The following DIAPH2 variants were observed in gnomAD, a reference collection of about 807,000 sequenced individuals.
The protein encoded by DIAPH2 is diaphanous related formin 2, also known as protein diaphanous homolog 2.
A neutral mutation model predicts 92.7 loss-of-function variants in DIAPH2; 35 were observed. That is an observed-to-expected ratio of 0.38 (90% CI 0.29 to 0.50). The LOEUF (loss-of-function observed/expected upper bound fraction) is 0.50. Ranked by LOEUF, DIAPH2 falls within the 20% of genes least tolerant of loss-of-function variation. DIAPH2 has a pLI of 0.94. For synonymous variants in DIAPH2, 301 were observed against 280.4 expected (o/e 1.07, Z -0.73); for missense variants, 701 against 819.5 (o/e 0.86, Z 1.77).
intron 1 of DIAPH2, among the ~76,000 whole-genome samples, chrX:96,705,938 C>T (rs1395783031): frequency 8.9e-6 from 1 of 112,440 alleles, no homozygotes; most frequent in African/African-American, 3.2e-5. Flanking sequence ...AACCACTAAA[C>T]TTGTGCACAG....
At chrX:97,232,275 C>G (rs2068015052) in intron 22 of DIAPH2, among the ~76,000 whole-genome samples, 1 of 111,792 alleles carries the variant, frequency 8.9e-6, no homozygotes, top group African/African-American at 3.3e-5. Flanking sequence ...CGCTCTGTCA[C>G]CCAGGCTGGA....
At chrX:97,252,398 G>C (rs1408566917) in intron 23 of DIAPH2, among the ~76,000 whole-genome samples, 1 of 111,890 alleles carries the variant, frequency 8.9e-6, no homozygotes, top group African/African-American at 3.3e-5. Flanking sequence ...TTTCCTCATA[G>C]TATGAGGGAA....
intron 22 of DIAPH2, among the ~76,000 whole-genome samples, chrX:97,166,564 T>G (rs900505422): frequency 1.5e-4 from 17 of 112,018 alleles, no homozygotes; most frequent in Non-Finnish European, 1.1e-4. Flanking sequence ...CCAGAAAGAC[T>G]ATAAAAAAAC....
At chrX:97,299,019 G>T (rs2068671767) in intron 23 of DIAPH2, among the ~76,000 whole-genome samples, 1 of 111,475 alleles carries the variant, frequency 9.0e-6, no homozygotes. Context: ...CCACGTTTTT[G>T]AGGCAGAATA....
intron 22 of DIAPH2, among the ~76,000 whole-genome samples, chrX:97,239,314 A>G (rs1602440858): frequency 8.9e-6 from 1 of 111,752 alleles, no homozygotes; most frequent in East Asian, 2.8e-4. Context: ...AATGTTTTGA[A>G]TGAGGATCAG....
At chrX:97,499,905 C>A (rs926936511) in intron 26 of DIAPH2, among the ~76,000 whole-genome samples, 2 of 112,434 alleles carry the variant, frequency 1.8e-5, no homozygotes, top group African/African-American at 6.5e-5. Context: ...TGCTCTCTTA[C>A]CAACTGGCTG....
At chrX:97,234,389 C>T (rs1237154084) in intron 22 of DIAPH2, among the ~76,000 whole-genome samples, 3 of 107,673 alleles carry the variant, frequency 2.8e-5, no homozygotes, top group Non-Finnish European at 5.8e-5. Context: ...TATACCTAGG[C>T]AATCCACTTT....
chrX:97,485,217 C>T (rs917097474), intron 26 of DIAPH2, among the ~76,000 whole-genome samples: 2 of 111,602 alleles, frequency 1.8e-5, no homozygotes, highest in African/African-American at 3.3e-5. Flanking sequence ...AATAATACCA[C>T]GTCTAAACTG....
chrX:97,302,729 C>T (rs2068717332), intron 23 of DIAPH2, among the ~76,000 whole-genome samples: 1 of 109,775 alleles, frequency 9.1e-6, no homozygotes, highest in Non-Finnish European at 1.9e-5. Context: ...GTCCCAAAGT[C>T]ATCCCAGCAC....
rs143787565 is a variant in DIAPH2, at chrX:96,709,193, G to A, written c.132+24003G>A. Among the ~76,000 whole-genome samples the A allele has an allele frequency of 4.5e-3, 502 of 112,016 alleles. 3 individuals are homozygous for A. The highest frequency in any genetic ancestry group is 0.016 in the African/African-American group (486 of 30,860). ...TTCCTAATAATTTGTAAAGTACTTC[G>A]TTTCTGTTTGTTAATTTGCTTACCA... On this transcript the variant is annotated intron_variant, in intron 1 of 26. Coordinates refer to ENST00000324765, the MANE Select transcript of DIAPH2 (RefSeq NM_006729.5).
chrX:96,737,925 CAT>C (rs1447883451), intron 2 of DIAPH2, among the ~76,000 whole-genome samples: 1 of 111,449 alleles, frequency 9.0e-6, no homozygotes, highest in East Asian at 2.8e-4. Context: ...GTGCAATAAA[CAT>C]ATTAACTTAT....
chrX:96,785,511 C>T (rs938587814), intron 4 of DIAPH2, among the ~76,000 whole-genome samples: 1 of 53,914 alleles, frequency 1.9e-5, no homozygotes, highest in South Asian at 1.6e-3. Flanking sequence ...GACAGAGTTT[C>T]GCTCTTGTTG....
At chrX:96,961,131 G>A (rs1022993304) in intron 16 of DIAPH2, among the ~76,000 whole-genome samples, 1 of 111,266 alleles carries the variant, frequency 9.0e-6, no homozygotes, top group Non-Finnish European at 1.9e-5. Flanking sequence ...CTGCTCTTTA[G>A]TTTTTTGGAA....
intron 22 of DIAPH2, among the ~76,000 whole-genome samples, chrX:97,153,146 G>A (rs2147426676): frequency 9.0e-6 from 1 of 111,624 alleles, no homozygotes; most frequent in South Asian, 3.8e-4. Context: ...CCTCAAGGTG[G>A]TTATGCAAGT....
intron 3 of DIAPH2, 101 bp from the exon 4 acceptor site, chrX:96,758,053 T>C (rs2064242975): frequency 4.2e-6 from 3 of 707,534 alleles, no homozygotes; most frequent in African/African-American, 2.2e-5. Flanking sequence ...ACCACATGAA[T>C]TAGTATTTTA....
intron 4 of DIAPH2, among the ~76,000 whole-genome samples, chrX:96,830,554 G>C (rs1336817063): frequency 1.3e-5 from 1 of 74,912 alleles, no homozygotes; most frequent in African/African-American, 5.3e-5. Flanking sequence ...CTGGGCGACA[G>C]AGCGAGACTC....
intron 17 of DIAPH2, among the ~76,000 whole-genome samples, chrX:97,028,513 T>C (rs1447951020): frequency 8.9e-6 from 1 of 112,343 alleles, no homozygotes; most frequent in Non-Finnish European, 1.9e-5. Flanking sequence ...TGTTTCTATG[T>C]ATTTGTCTAT....
At chrX:97,439,957 A>G (rs867045704) in intron 26 of DIAPH2, among the ~76,000 whole-genome samples, 1 of 111,270 alleles carries the variant, frequency 9.0e-6, no homozygotes, top group Non-Finnish European at 1.9e-5. Flanking sequence ...GCATGAGTCC[A>G]GGAGTCTCGG....
At chrX:96,850,500 C>T (rs2065000212) in intron 4 of DIAPH2, among the ~76,000 whole-genome samples, 1 of 111,956 alleles carries the variant, frequency 8.9e-6, no homozygotes, top group Non-Finnish European at 1.9e-5. Flanking sequence ...GGATGTAATC[C>T]AGGTAATTTG....
Sources: gnomAD v4.1 joint callset for allele counts (sites outside exome capture counted in the v4.1 genomes callset) on GRCh38, gnomAD v4.1.1 for gene constraint, MANE v1.5 for transcripts, NCBI Gene and HGNC (gene_info 2026-07-23, HGNC 2026-07-21) for gene names.